The following STXBP4 variants were observed in gnomAD, a reference collection of about 807,000 sequenced individuals.
STXBP4 encodes syntaxin binding protein 4, also known as syntaxin-binding protein 4.
Under a neutral mutation model 76.1 loss-of-function variants are expected in STXBP4, and 55 were observed. The observed-to-expected ratio is 0.72, with a 90% CI of 0.58 to 0.91. STXBP4 has a LOEUF of 0.91. Among genes scored for constraint, STXBP4 ranks in the 40% least tolerant of loss-of-function variants. The pLI, the probability that STXBP4 is intolerant of heterozygous loss-of-function variation, is 0.00. For synonymous variants in STXBP4, 201 were observed against 220.2 expected (o/e 0.91, Z 0.77); for missense variants, 618 against 636.9 (o/e 0.97, Z 0.32).
intron 16 of STXBP4, among the ~76,000 whole-genome samples, chr17:55,096,501 C>A (rs998023101): frequency 1.3e-5 from 2 of 151,936 alleles, no homozygotes; most frequent in Admixed American, 6.6e-5. Context: ...CCTCAAGAAG[C>A]TTTAGTAGTT....
Position 55,047,194 on chromosome 17 carries a change from G to A in STXBP4, c.1011+40G>A, listed in dbSNP as rs777316012. The A allele has an allele frequency of 7.2e-6, 7 of 975,816 alleles. No individual in the cohort carries two copies. In the Admixed American group the frequency reaches 1.5e-4, roughly 21 times the overall value. 60.4% of individuals were successfully genotyped at this position (975,816 alleles called of 1,614,324 possible). A position where few individuals can be genotyped will look rare whatever the true frequency, so the allele number is the denominator to read the frequency against. The stretch of plus-strand genomic sequence containing the variant: ...TGTGTATATATGTGCTCGTGTGTGT[G>A]TGTGTGTGTGTGTGTGTGTGTGTGA... On this transcript the variant is annotated intron_variant, in intron 12 of 17. Transcript: ENST00000376352.
chr17:55,099,766 G>A (rs944557688), intron 16 of STXBP4, among the ~76,000 whole-genome samples: 3 of 152,210 alleles, frequency 2.0e-5, no homozygotes, highest in African/African-American at 7.2e-5. Flanking sequence ...TACAAAGCAA[G>A]CAGCTGAAGC....
chr17:55,140,704 A>G (rs2080085319), intron 16 of STXBP4, among the ~76,000 whole-genome samples: 1 of 152,200 alleles, frequency 6.6e-6, no homozygotes. Flanking sequence ...CAATCCCATT[A>G]CAGAAATGGA....
the STXBP4 span, among the ~76,000 whole-genome samples, chr17:55,186,399 T>C: frequency 6.6e-6 from 1 of 152,236 alleles, no homozygotes; most frequent in Admixed American, 6.5e-5. Flanking sequence ...CATTATATAT[T>C]AATACTTCTA....
chr17:54,993,103 G>A (rs912003085), intron 4 of STXBP4, among the ~76,000 whole-genome samples: 2 of 152,300 alleles, frequency 1.3e-5, no homozygotes, highest in Admixed American at 1.3e-4. Context: ...GATAGCGGTG[G>A]TGCTGAATGA....
chr17:55,001,925 C>A (rs78136893), intron 7 of STXBP4, among the ~76,000 whole-genome samples: 1 of 152,108 alleles, frequency 6.6e-6, no homozygotes, highest in Admixed American at 6.5e-5. Flanking sequence ...AGCCACCGCT[C>A]GTGCCTGGCT....
chr17:55,110,365 G>A (rs928544480), intron 16 of STXBP4, among the ~76,000 whole-genome samples: 15 of 152,192 alleles, frequency 9.9e-5, no homozygotes, highest in African/African-American at 3.1e-4. Context: ...GGACATCATC[G>A]TGGAGGGCTA....
rs1467568752 is a variant in STXBP4, at chr17:55,164,111, A to G, written c.*4200A>G. 1 of 152,378 alleles carries G rather than the reference A, an allele frequency of 6.6e-6. No individual in the cohort carries two copies. The highest frequency in any genetic ancestry group is 1.5e-5 in the Non-Finnish European group (1 of 68,040). 9.4% of individuals were successfully genotyped at this position (152,378 alleles called of 1,614,324 possible). A position where few individuals can be genotyped will look rare whatever the true frequency, so the allele number is the denominator to read the frequency against. On this transcript the variant is annotated 3_prime_UTR_variant, in exon 18 of 18. Coordinates refer to ENST00000376352, the MANE Select transcript of STXBP4 (RefSeq NM_178509.6). ...TCCATTGCTTATAACTTTTGAGAGA[A>G]TGAAAAGAACCTTAAACAGAATGTG...
At chr17:55,130,172 A>G (rs763378801) in intron 16 of STXBP4, among the ~76,000 whole-genome samples, 2 of 152,174 alleles carry the variant, frequency 1.3e-5, no homozygotes, top group East Asian at 1.9e-4. Flanking sequence ...TTGAAAATAA[A>G]TTGTTCCCCA....
Position 55,074,381 on chromosome 17 carries a change from G to A in STXBP4, c.1188+1305G>A, listed in dbSNP as rs116886822. ...AGGAAAACATATAGTTTACAAATCA[G>A]CAATATTTAGGAATATTACATATTT... On this transcript the variant is annotated intron_variant, in intron 13 of 17. Coordinates refer to ENST00000376352, the MANE Select transcript of STXBP4 (RefSeq NM_178509.6). Among the ~76,000 whole-genome samples the A allele has an allele frequency of 4.1e-3, 621 of 152,158 alleles. 29 individuals carry two copies. The East Asian group carries it at 0.097, about 24-fold the overall frequency.
At chr17:55,028,599 G>C (rs973573774) in intron 8 of STXBP4, among the ~76,000 whole-genome samples, 4 of 152,128 alleles carry the variant, frequency 2.6e-5, no homozygotes, top group African/African-American at 9.7e-5. Flanking sequence ...GACATTTTTG[G>C]TTGTCACAGC....
chr17:55,093,065 G>C (rs566665065), intron 16 of STXBP4, among the ~76,000 whole-genome samples: 1 of 151,984 alleles, frequency 6.6e-6, no homozygotes, highest in Non-Finnish European at 1.5e-5. Flanking sequence ...CGCAATCTCG[G>C]CTCACTGCAA....
chr17:55,188,056 A>C, the STXBP4 span, among the ~76,000 whole-genome samples: 1 of 152,200 alleles, frequency 6.6e-6, no homozygotes, highest in Non-Finnish European at 1.5e-5. Flanking sequence ...GAGGTTATGC[A>C]ACTAATCTAA....
chr17:54,971,484 C>T (rs774046601), intron 1 of STXBP4, among the ~76,000 whole-genome samples: 3 of 152,182 alleles, frequency 2.0e-5, no homozygotes, highest in Non-Finnish European at 4.4e-5. Flanking sequence ...TATAAGGACA[C>T]CAATCCCATG....
chr17:55,197,600 A>G, the STXBP4 span, among the ~76,000 whole-genome samples: 1,034 of 152,230 alleles, frequency 6.8e-3, 8 homozygotes, highest in African/African-American at 0.024. Flanking sequence ...AAAATCAGCC[A>G]GGCGTGGTGG....
Position 55,173,590 on chromosome 17 carries a change from TC to T in STXBP4, c.*13680del, listed in dbSNP as rs1244797727. The T allele has an allele frequency of 6.6e-6, 1 of 152,236 alleles. No homozygotes were observed. Among genetic ancestry groups the T allele is most frequent in the Non-Finnish European group, 1.5e-5 (1 of 68,050 alleles). The allele number at this position is 152,236 out of a possible 1,614,324, so 9.4% of individuals were successfully genotyped here. A position where few individuals can be genotyped will look rare whatever the true frequency, so the allele number is the denominator to read the frequency against. ...CCCACTGAAAGTCATTTGGGTTGTT[TC>T]TAGGCTTTGGTGATTATGAATAAAG... On this transcript the variant is annotated 3_prime_UTR_variant, in exon 18 of 18. Transcript: ENST00000376352.
intron 12 of STXBP4, among the ~76,000 whole-genome samples, chr17:55,058,780 A>G (rs1773937741): frequency 6.6e-6 from 1 of 152,164 alleles, no homozygotes; most frequent in African/African-American, 2.4e-5. Context: ...TGAAATTACT[A>G]TCTCAATCTA....
chr17:55,039,813 G>A (rs1023587446), intron 10 of STXBP4, among the ~76,000 whole-genome samples: 1 of 152,002 alleles, frequency 6.6e-6, no homozygotes, highest in African/African-American at 2.4e-5. Flanking sequence ...ATAGAAATAG[G>A]GAAATAAGGA....
At chr17:55,027,969 C>A (rs1400204082) in intron 8 of STXBP4, among the ~76,000 whole-genome samples, 1 of 151,840 alleles carries the variant, frequency 6.6e-6, no homozygotes, top group African/African-American at 2.4e-5. Flanking sequence ...ATAAAAAATT[C>A]ATGGGAATAG....
Sources: allele counts gnomAD v4.1 joint callset (sites outside exome capture counted in the v4.1 genomes callset), GRCh38; gene constraint gnomAD v4.1.1; transcripts MANE v1.5; gene names NCBI Gene and HGNC (gene_info 2026-07-23, HGNC 2026-07-21).